Variants in CLYBL observed in about 807,000 individuals in gnomAD.
The protein encoded by CLYBL is citramalyl-CoA lyase, also known as citramalyl-CoA lyase, mitochondrial.
Under a neutral mutation model 38.9 loss-of-function variants are expected in CLYBL, and 31 were observed. The observed-to-expected ratio is 0.80, with a 90% CI of 0.60 to 1.08. The LOEUF (loss-of-function observed/expected upper bound fraction) is 1.08, where lower values mean the gene tolerates loss of function less well. Ranked by LOEUF, CLYBL falls within the 50% of genes least tolerant of loss-of-function variation. CLYBL has a pLI of 0.00. For missense variants in CLYBL, 434 were observed against 411.6 expected, an observed-to-expected ratio of 1.05 and a Z score of -0.47; for synonymous variants, 171 against 158.6, an observed-to-expected ratio of 1.08 and a Z score of -0.59.
chr13:99,804,230 G>A lies in CLYBL; in HGVS notation c.249+31220G>A, dbSNP rs113439529. ...CCCCTTCCCAGCAGCCACTCATCAGGAAGTCCTGCTGCAGGAGTTTGGGCC... is the reference window on the plus strand; with the variant it reads ...CCCCTTCCCAGCAGCCACTCATCAGAAAGTCCTGCTGCAGGAGTTTGGGCC... On this transcript the variant is annotated intron_variant, in intron 2 of 8. Coordinates refer to ENST00000339105, the MANE Select transcript of CLYBL (RefSeq NM_206808.5). 5.9e-3 allele frequency among the ~76,000 whole-genome samples: 904 copies of A among 152,334 alleles called. 11 individuals are homozygous for A. The highest frequency in any genetic ancestry group is 0.02 in the African/African-American group (839 of 41,586).
chr13:99,893,013 A>AT (rs2052522884), downstream of CLYBL: 1 of 152,320 alleles, frequency 6.6e-6, no homozygotes, highest in Non-Finnish European at 1.5e-5. Flanking sequence ...TTCTGTGAAG[A>AT]CACCAACTCA....
At position 99,736,048 on chromosome 13, in the gene CLYBL, T is replaced by C. The variant is rs568210452; in HGVS notation, c.63-36776T>C. ...CTATACGTTTCTTTTCTTTTTTTTT[T>C]TTTTTTTTTTTTTTGAGCTGGAATC... On this transcript the variant is annotated intron_variant, in intron 1 of 8. Coordinates refer to ENST00000339105, the MANE Select transcript of CLYBL (RefSeq NM_206808.5). Among the ~76,000 whole-genome samples, 164 of 139,006 alleles carry C rather than the reference T, an allele frequency of 1.2e-3. 2 individuals carry two copies. Among genetic ancestry groups the C allele is most frequent in the African/African-American group, 3.1e-3 (117 of 37,270 alleles). 91.2% of individuals were successfully genotyped at this position (139,006 alleles called of 152,430 possible). A position where few individuals can be genotyped will look rare whatever the true frequency, so the allele number is the denominator to read the frequency against.
At chr13:99,731,584 T>C (rs929170021) in intron 1 of CLYBL, among the ~76,000 whole-genome samples, 1 of 151,494 alleles carries the variant, frequency 6.6e-6, no homozygotes, top group Non-Finnish European at 1.5e-5. Context: ...AACAGAGACA[T>C]TGGCCACTGT....
intron 1 of CLYBL, among the ~76,000 whole-genome samples, chr13:99,771,646 G>A (rs1170682108): frequency 6.6e-6 from 1 of 152,168 alleles, no homozygotes; most frequent in Admixed American, 6.5e-5. Flanking sequence ...AAGGGTGGTG[G>A]TAAGCCAAAG....
Position 99,863,049 on chromosome 13 carries a change from T to G in CLYBL, c.497T>G (p.Leu166Ter), listed in dbSNP as rs909550168. 2.5e-6 allele frequency: 4 copies of G among 1,610,566 alleles called. No individual in the cohort carries two copies. Among genetic ancestry groups the G allele is most frequent in the Non-Finnish European group, 3.4e-6 (4 of 1,178,490 alleles). Residue 166 changes from leucine to a stop codon, truncating the protein, a stop_gained, in exon 4 of 9, where the codon TTA (leucine) becomes TGA (stop). Coordinates refer to ENST00000339105, the MANE Select transcript of CLYBL (RefSeq NM_206808.5). LOFTEE classifies it high-confidence loss of function. ...CGAAAACTTGAACAACCAATGAATT[T>G]AATCCCTTTTGTGGAAACTGCAATG... is the stretch of plus-strand genomic sequence containing the variant. ...KGRKLEQPMN[L>*]IPFVETAMGL...
At chr13:99,745,368 C>G (rs1317958308) in intron 1 of CLYBL, among the ~76,000 whole-genome samples, 1 of 151,976 alleles carries the variant, frequency 6.6e-6, no homozygotes, top group Non-Finnish European at 1.5e-5. Context: ...GTGTATATTC[C>G]ATAAGAGTGG....
chr13:99,885,047 G>C (rs1463008884), intron 7 of CLYBL: 1 of 527,574 alleles, frequency 1.9e-6, no homozygotes, highest in African/African-American at 1.9e-5. Flanking sequence ...CGGTCACAGA[G>C]CATCTCCCGT....
intron 2 of CLYBL, among the ~76,000 whole-genome samples, chr13:99,820,332 C>A (rs73572548): frequency 0.03 from 4,510 of 152,242 alleles, 222 homozygotes; most frequent in African/African-American, 0.1. Context: ...TATTTGCATC[C>A]ATTGTTTTTG....
At chr13:99,901,418 C>CT (rs1325515141), downstream of CLYBL, among the ~76,000 whole-genome samples, 2 of 152,104 alleles carry the variant, frequency 1.3e-5, no homozygotes, top group Non-Finnish European at 2.9e-5. Context: ...CCATGAGCTG[C>CT]TTGCAGGACA....
At chr13:99,647,425 C>G (rs1411783347) in intron 1 of CLYBL, among the ~76,000 whole-genome samples, 1 of 150,864 alleles carries the variant, frequency 6.6e-6, no homozygotes, top group Non-Finnish European at 1.5e-5. Flanking sequence ...CTGTCACACG[C>G]CCCCCCGGCC....
At chr13:99,675,865 G>A (rs1218113308) in intron 1 of CLYBL, among the ~76,000 whole-genome samples, 1 of 152,114 alleles carries the variant, frequency 6.6e-6, no homozygotes, top group Non-Finnish European at 1.5e-5. Flanking sequence ...TGTTGTATGG[G>A]TATATTTCTT....
chr13:99,786,134 G>T (rs1158669013), intron 2 of CLYBL, among the ~76,000 whole-genome samples: 1 of 150,108 alleles, frequency 6.7e-6, no homozygotes, highest in Non-Finnish European at 1.5e-5. Context: ...TTCTATTTCT[G>T]CCAGACCTAT....
rs11842371 is a variant in CLYBL at position 99,624,675 on chromosome 13, G to A, written c.62+17918G>A. Among the ~76,000 whole-genome samples, 645 of 152,270 alleles carry A rather than the reference G, an allele frequency of 4.2e-3. 3 individuals carry two copies. Among genetic ancestry groups the A allele is most frequent in the African/African-American group, 0.015 (624 of 41,540 alleles). ...TGTCTGAATGTGGCTTTACCCCAGC[G>A]CTGAGATATCCCCGGGAGAGCTTGG... On this transcript the variant is annotated intron_variant, in intron 1 of 8. Coordinates refer to ENST00000339105, the MANE Select transcript of CLYBL (RefSeq NM_206808.5).
At chr13:99,775,336 A>G (rs940001411) in intron 2 of CLYBL, among the ~76,000 whole-genome samples, 1 of 152,176 alleles carries the variant, frequency 6.6e-6, no homozygotes, top group Non-Finnish European at 1.5e-5. Context: ...CTGTGCTACC[A>G]CTTAGGGGAA....
At chr13:99,625,356 G>T (rs2046854326) in intron 1 of CLYBL, among the ~76,000 whole-genome samples, 1 of 152,194 alleles carries the variant, frequency 6.6e-6, no homozygotes, top group South Asian at 2.1e-4. Context: ...GCAGCGTTTA[G>T]GCTCCGCAGA....
intron 1 of CLYBL, chr13:99,726,531 G>A (rs938622945): frequency 6.6e-6 from 1 of 152,186 alleles, no homozygotes; most frequent in Non-Finnish European, 1.5e-5. Context: ...GAGATCCATG[G>A]GGGCAGAGTG....
At chr13:99,659,834 T>C (rs762167780) in intron 1 of CLYBL, among the ~76,000 whole-genome samples, 2 of 152,192 alleles carry the variant, frequency 1.3e-5, no homozygotes, top group Non-Finnish European at 2.9e-5. Flanking sequence ...ATAATTGATA[T>C]GTGGAAATAA....
intron 7 of CLYBL, chr13:99,885,254 C>A (rs1295087525): frequency 8.3e-6 from 3 of 363,496 alleles, no homozygotes; most frequent in Non-Finnish European, 1.6e-5. Context: ...ACCAAGGAGG[C>A]CTCAAAACAC....
At chr13:99,743,285 A>T (rs960648905) in intron 1 of CLYBL, among the ~76,000 whole-genome samples, 2 of 152,190 alleles carry the variant, frequency 1.3e-5, no homozygotes, top group African/African-American at 4.8e-5. Flanking sequence ...GAATGATGGG[A>T]TTAAGTGCCT....
Sources: gnomAD v4.1 joint callset for allele counts (sites outside exome capture counted in the v4.1 genomes callset) on GRCh38, gnomAD v4.1.1 for gene constraint, MANE v1.5 for transcripts, NCBI Gene and HGNC (gene_info 2026-07-23, HGNC 2026-07-21) for gene names.